The following CACNB2 variants were observed in gnomAD, a reference collection of about 807,000 sequenced individuals.
The protein encoded by CACNB2 is calcium voltage-gated channel auxiliary subunit beta 2.
In CACNB2, 42 loss-of-function variants were observed where a neutral mutation model predicts 73.3. The observed-to-expected ratio is 0.57, with a 90% CI of 0.45 to 0.74. CACNB2 has a LOEUF of 0.74. Ranked by LOEUF, CACNB2 falls within the 30% of genes least tolerant of loss-of-function variation. The pLI, the probability that CACNB2 is intolerant of heterozygous loss-of-function variation, is 0.00. For missense variants in CACNB2, 940 were observed against 853.0 expected (o/e 1.10, Z -1.27); for synonymous variants, 348 against 310.3 (o/e 1.12, Z -1.28).
chr10:18,176,576 T>G (rs1490105784), intron 2 of CACNB2, among the ~76,000 whole-genome samples: 2 of 151,352 alleles, frequency 1.3e-5, no homozygotes, highest in Non-Finnish European at 2.9e-5. Flanking sequence ...ATTCCTATAG[T>G]TGAGCAATAT....
At chr10:18,189,101 A>G (rs2034282830) in intron 2 of CACNB2, among the ~76,000 whole-genome samples, 2 of 152,164 alleles carry the variant, frequency 1.3e-5, no homozygotes, top group African/African-American at 2.4e-5. Context: ...AGCTGGTACT[A>G]CAGGTGTGTA....
chr10:18,261,880 T>G (rs1225220985), intron 2 of CACNB2: 6 of 513,872 alleles, frequency 1.2e-5, no homozygotes, highest in Non-Finnish European at 1.9e-5. Flanking sequence ...GCAAAATGGC[T>G]GTCTGAGTAT....
intron 2 of CACNB2, chr10:18,261,186 G>T (rs1227680501): frequency 6.5e-7 from 1 of 1,548,934 alleles, no homozygotes; most frequent in East Asian, 2.4e-5. Flanking sequence ...AAGGTGGGAA[G>T]AAATGGACCG....
intron 4 of CACNB2, chr10:18,498,679 C>T: frequency 8.7e-6 from 5 of 576,632 alleles, no homozygotes; most frequent in South Asian, 2.0e-5. Context: ...AGGCCTCTTG[C>T]AATAACTTCA....
At chr10:18,425,844 AAT>A (rs1302062960) in intron 3 of CACNB2, among the ~76,000 whole-genome samples, 1 of 152,168 alleles carries the variant, frequency 6.6e-6, no homozygotes. Context: ...CTTCATGTAG[AAT>A]ACCTGTTTGT....
At chr10:18,452,541 C>CT (rs2047065782) in intron 3 of CACNB2, among the ~76,000 whole-genome samples, 1 of 152,042 alleles carries the variant, frequency 6.6e-6, no homozygotes, top group Non-Finnish European at 1.5e-5. Flanking sequence ...CAAGGTTGAC[C>CT]TTTTTTAATT....
At chr10:18,446,606 A>G (rs1589382584) in intron 3 of CACNB2, among the ~76,000 whole-genome samples, 1 of 152,296 alleles carries the variant, frequency 6.6e-6, no homozygotes, top group Admixed American at 6.5e-5. Context: ...ACTACTTAGT[A>G]TCACAGATGT....
At chr10:18,203,968 A>AT (rs2034991490) in intron 2 of CACNB2, among the ~76,000 whole-genome samples, 2 of 151,248 alleles carry the variant, frequency 1.3e-5, no homozygotes, top group South Asian at 2.2e-4. Context: ...TAAAGGTTGG[A>AT]TTTATAAGCT....
At chr10:18,159,309 T>C (rs1415374664) in intron 2 of CACNB2, among the ~76,000 whole-genome samples, 1 of 152,194 alleles carries the variant, frequency 6.6e-6, no homozygotes, top group African/African-American at 2.4e-5. Flanking sequence ...TTCCATAGGT[T>C]GCTGCGTTGC....
intron 2 of CACNB2, among the ~76,000 whole-genome samples, chr10:18,325,801 G>A (rs2040567976): frequency 6.7e-6 from 1 of 148,572 alleles, no homozygotes; most frequent in South Asian, 2.1e-4. Flanking sequence ...CTGGAGTATA[G>A]TGGCATAATC....
At chr10:18,204,594 C>G (rs2035015501) in intron 2 of CACNB2, among the ~76,000 whole-genome samples, 1 of 152,184 alleles carries the variant, frequency 6.6e-6, no homozygotes, top group Non-Finnish European at 1.5e-5. Context: ...AATTTTTGCT[C>G]TGACATTTTA....
chr10:18,280,847 G>C (rs2131697252), intron 2 of CACNB2, among the ~76,000 whole-genome samples: 1 of 152,258 alleles, frequency 6.6e-6, no homozygotes, highest in South Asian at 2.1e-4. Context: ...TAAAAACCAA[G>C]CAGTGGCCCA....
intron 10 of CACNB2, among the ~76,000 whole-genome samples, chr10:18,532,699 A>AC (rs1346470711): frequency 5.2e-5 from 3 of 58,080 alleles, no homozygotes; most frequent in African/African-American, 2.2e-4. Context: ...AAAAAAAACA[A>AC]AACAAAAAAA....
At chr10:18,149,177 A>G (rs1236115539) in intron 1 of CACNB2, among the ~76,000 whole-genome samples, 1 of 152,218 alleles carries the variant, frequency 6.6e-6, no homozygotes, top group Non-Finnish European at 1.5e-5. Context: ...ATAGGTTAAT[A>G]TAAATTTAAA....
chr10:18,408,111 G>C (rs2132596343), intron 3 of CACNB2, among the ~76,000 whole-genome samples: 1 of 152,060 alleles, frequency 6.6e-6, no homozygotes, highest in Non-Finnish European at 1.5e-5. Context: ...TTATCCTGTA[G>C]GAAGTGCAAG....
chr10:18,473,165 C>T (rs924900064), intron 3 of CACNB2, among the ~76,000 whole-genome samples: 1 of 152,212 alleles, frequency 6.6e-6, no homozygotes, highest in South Asian at 2.1e-4. Flanking sequence ...GCTCCACCCA[C>T]TGGCAATTCT....
intron 1 of CACNB2, 22 bp from the exon 2 acceptor site, chr10:18,150,861 T>C: frequency 2.1e-6 from 2 of 947,976 alleles, no homozygotes; most frequent in African/African-American, 2.3e-5. Context: ...TTGTCTTTTT[T>C]TTTTTTTTTT....
At chr10:18,459,035 G>A (rs1589419163) in intron 3 of CACNB2, among the ~76,000 whole-genome samples, 1 of 152,122 alleles carries the variant, frequency 6.6e-6, no homozygotes, top group African/African-American at 2.4e-5. Flanking sequence ...AAAGTGCTGG[G>A]ATTACAGGCG....
At chr10:18,402,142 G>A in intron 3 of CACNB2, 99 bp downstream of exon 3, 1 of 1,328,696 alleles carries the variant, frequency 7.5e-7, no homozygotes, top group Non-Finnish European at 1.1e-6. Flanking sequence ...TGATCTATTA[G>A]AGAATTTCAT....
Sources: gnomAD v4.1 joint callset for allele counts (sites outside exome capture counted in the v4.1 genomes callset) on GRCh38, gnomAD v4.1.1 for gene constraint, MANE v1.5 for transcripts, NCBI Gene and HGNC (gene_info 2026-07-23, HGNC 2026-07-21) for gene names.